The following LHFPL3 variants were observed in gnomAD, a reference collection of about 807,000 sequenced individuals.
LHFPL3 encodes LHFPL tetraspan subfamily member 3 protein.
In LHFPL3, 5 loss-of-function variants were observed where a neutral mutation model predicts 19.3. The ratio of observed to expected loss-of-function variants is 0.26; its 90% CI spans 0.14 to 0.54. LHFPL3 has a LOEUF of 0.54. Among genes scored for constraint, LHFPL3 ranks in the 20% least tolerant of loss-of-function variants. The pLI, the probability that LHFPL3 is intolerant of heterozygous loss-of-function variation, is 0.94. For synonymous variants in LHFPL3, 133 were observed against 126.2 expected (o/e 1.05, Z -0.36); for missense variants, 249 against 307.4 (o/e 0.81, Z 1.42).
At chr7:104,766,308 A>G (rs1794457279) in intron 2 of LHFPL3, among the ~76,000 whole-genome samples, 1 of 152,234 alleles carries the variant, frequency 6.6e-6, no homozygotes, top group Middle Eastern at 3.2e-3. Context: ...GTAGAGGCCA[A>G]TATAAGGAGC....
intron 2 of LHFPL3, among the ~76,000 whole-genome samples, chr7:104,890,877 A>G (rs1287981301): frequency 6.6e-6 from 1 of 152,118 alleles, no homozygotes; most frequent in Non-Finnish European, 1.5e-5. Flanking sequence ...GGCTGATGAG[A>G]ATAGACAGAA....
chr7:104,348,975 CTTCTCCTTTT>C (rs202062312), intron 1 of LHFPL3, among the ~76,000 whole-genome samples: 11,780 of 116,292 alleles, frequency 0.1, 948 homozygotes, highest in African/African-American at 0.27. Flanking sequence ...TTCTACCACT[CTTCTCCTTTT>C]TTCTCCTTTG....
At chr7:104,365,397 A>G (rs1314823678) in intron 1 of LHFPL3, among the ~76,000 whole-genome samples, 2 of 152,178 alleles carry the variant, frequency 1.3e-5, no homozygotes, top group Non-Finnish European at 2.9e-5. Context: ...TTTTCCCTCT[A>G]AGACAGACTG....
In LHFPL3 at chr7:104,506,738, C is replaced by T. The variant is rs140745917; in HGVS notation, c.445+177514C>T. ...GTGATTCAAACATTTGGTCATGGAA[C>T]GCAAGGAAGGTAAAATTTTACCAGG... On this transcript the variant is annotated intron_variant, in intron 1 of 2. Transcript: ENST00000424859. Among the ~76,000 whole-genome samples, 1,047 of 152,240 alleles carry T rather than the reference C, an allele frequency of 6.9e-3. 9 individuals are homozygous for T. Among genetic ancestry groups the T allele is most frequent in the African/African-American group, 0.023 (971 of 41,548 alleles).
rs146258894 is a variant in LHFPL3 at position 104,491,275 on chromosome 7, G to A, written c.445+162051G>A. ...AATACACAACTGGGGGAAACTGAATGGAAAATGATAACTTTTGGGCAAGCT... is the reference window on the plus strand; with the variant it reads ...AATACACAACTGGGGGAAACTGAATAGAAAATGATAACTTTTGGGCAAGCT... On this transcript the variant is annotated intron_variant, in intron 1 of 2. Transcript: ENST00000424859. Among the ~76,000 whole-genome samples, 391 of 152,246 alleles carry A rather than the reference G, an allele frequency of 2.6e-3. 3 individuals are homozygous for A. The highest frequency in any genetic ancestry group is 8.9e-3 in the African/African-American group (369 of 41,556).
Position 104,602,020 on chromosome 7 carries a change from C to CTTTTTTTTTTTTTTTTTT in LHFPL3, c.446-134652_446-134635dup, listed in dbSNP as rs57501560. Among the ~76,000 whole-genome samples, 389 of 91,448 alleles carry CTTTTTTTTTTTTTTTTTT rather than the reference C, an allele frequency of 4.3e-3. 10 individuals carry two copies. The highest frequency in any genetic ancestry group is 4.9e-3 in the African/African-American group (112 of 23,072). The allele number at this position is 91,448 out of a possible 152,430, so 60.0% of individuals were successfully genotyped here. A position where few individuals can be genotyped will look rare whatever the true frequency, so the allele number is the denominator to read the frequency against. ...TAGCAATTTATTTTCTTTTTCTTTT[C>CTTTTTTTTTTTTTTTTTT]TTTTTTTTTTTTTTTTTTTTCTGAC... is the stretch of plus-strand genomic sequence containing the variant. On this transcript the variant is annotated intron_variant, in intron 1 of 2. Coordinates refer to ENST00000424859, the MANE Select transcript of LHFPL3 (RefSeq NM_199000.3).
intron 2 of LHFPL3, among the ~76,000 whole-genome samples, chr7:104,745,493 A>G (rs1794024172): frequency 6.6e-6 from 1 of 152,252 alleles, no homozygotes; most frequent in Non-Finnish European, 1.5e-5. Flanking sequence ...TCAAAAATGA[A>G]TATTTGTTGT....
At chr7:104,594,597 G>C (rs1320995922) in intron 1 of LHFPL3, among the ~76,000 whole-genome samples, 3 of 152,084 alleles carry the variant, frequency 2.0e-5, no homozygotes, top group Non-Finnish European at 1.5e-5. Flanking sequence ...TTGCTGTATT[G>C]GGGAAGTTCT....
chr7:104,500,231 C>A (rs971011794), intron 1 of LHFPL3, among the ~76,000 whole-genome samples: 4 of 152,170 alleles, frequency 2.6e-5, no homozygotes. Context: ...CAGCTAGACA[C>A]CTTCTGGGAG....
intron 1 of LHFPL3, among the ~76,000 whole-genome samples, chr7:104,576,571 T>G (rs1424224323): frequency 6.6e-6 from 1 of 152,190 alleles, no homozygotes; most frequent in Non-Finnish European, 1.5e-5. Flanking sequence ...CTTAGTACCA[T>G]AGTGAACATA....
intron 1 of LHFPL3, among the ~76,000 whole-genome samples, chr7:104,426,049 C>A (rs79294635): frequency 1.4e-4 from 22 of 152,318 alleles, no homozygotes; most frequent in Admixed American, 1.4e-3. Context: ...GCTTCAAACA[C>A]ACACAGTAGT....
At chr7:104,770,816 T>C (rs1794537359) in intron 2 of LHFPL3, among the ~76,000 whole-genome samples, 1 of 152,188 alleles carries the variant, frequency 6.6e-6, no homozygotes, top group African/African-American at 2.4e-5. Context: ...CTGTAAGTTC[T>C]CCTTCTGTGT....
chr7:104,681,755 G>A (rs1792708988), intron 1 of LHFPL3, among the ~76,000 whole-genome samples: 5 of 152,290 alleles, frequency 3.3e-5, no homozygotes, highest in Middle Eastern at 3.4e-3. Flanking sequence ...AATCACATAG[G>A]TAGCAAAGGA....
chr7:104,861,955 G>A (rs1358607774), intron 2 of LHFPL3, among the ~76,000 whole-genome samples: 1 of 152,138 alleles, frequency 6.6e-6, no homozygotes, highest in Non-Finnish European at 1.5e-5. Context: ...GCTGGCTCGT[G>A]GTAGGGCTGG....
intron 1 of LHFPL3, among the ~76,000 whole-genome samples, chr7:104,477,609 G>A (rs974113169): frequency 6.6e-6 from 1 of 152,118 alleles, no homozygotes; most frequent in African/African-American, 2.4e-5. Context: ...GGTGGAGGGT[G>A]AAAGGAGGGA....
chr7:104,889,338 A>G (rs1792204532), intron 2 of LHFPL3, among the ~76,000 whole-genome samples: 2 of 152,170 alleles, frequency 1.3e-5, no homozygotes, highest in Admixed American at 1.3e-4. Context: ...CTTTTTAAAA[A>G]TCAAGTATTG....
At chr7:104,815,566 T>C (rs114240683) in intron 2 of LHFPL3, among the ~76,000 whole-genome samples, 3,225 of 152,322 alleles carry the variant, frequency 0.021, 105 homozygotes, top group African/African-American at 0.071. Context: ...CCTAAATCTG[T>C]ACATTTTAAG....
intron 1 of LHFPL3, among the ~76,000 whole-genome samples, chr7:104,472,823 T>C (rs1302761216): frequency 6.6e-6 from 1 of 152,220 alleles, no homozygotes; most frequent in African/African-American, 2.4e-5. Context: ...TCTCTTTTAA[T>C]TTAATCAGTT....
intron 1 of LHFPL3, among the ~76,000 whole-genome samples, chr7:104,733,259 A>C (rs1370320763): frequency 6.6e-6 from 1 of 152,094 alleles, no homozygotes; most frequent in African/African-American, 2.4e-5. Flanking sequence ...ACAGAGCTGA[A>C]TTCAATTCCT....
Sources: gnomAD v4.1 joint callset for allele counts (sites outside exome capture counted in the v4.1 genomes callset) on GRCh38, gnomAD v4.1.1 for gene constraint, MANE v1.5 for transcripts, NCBI Gene and HGNC (gene_info 2026-07-23, HGNC 2026-07-21) for gene names.